Variants in UGT8 observed in about 807,000 individuals in gnomAD.
The protein encoded by UGT8 is 2-hydroxyacylsphingosine 1-beta-galactosyltransferase.
Under a neutral mutation model 40.5 loss-of-function variants are expected in UGT8, and 12 were observed. The ratio of observed to expected loss-of-function variants is 0.30; its 90% CI spans 0.19 to 0.48. The LOEUF is 0.48. Ranked by LOEUF, UGT8 falls within the 20% of genes least tolerant of loss-of-function variation. The pLI, the probability that UGT8 is intolerant of heterozygous loss-of-function variation, is 0.99. For synonymous variants in UGT8, 224 were observed against 240.4 expected (o/e 0.93, Z 0.63); for missense variants, 513 against 648.7 (o/e 0.79, Z 2.27).
chr4:114,611,239 T>G (rs1441592746), intron 1 of UGT8, among the ~76,000 whole-genome samples: 1 of 151,878 alleles, frequency 6.6e-6, no homozygotes, highest in African/African-American at 2.4e-5. Flanking sequence ...TTCTCACTTG[T>G]GTAAAGATGG....
intron 2 of UGT8, 184 bp downstream of exon 2, chr4:114,623,886 C>A: frequency 2.5e-6 from 1 of 396,568 alleles, no homozygotes; most frequent in African/African-American, 2.2e-5. Flanking sequence ...AACATTCCTG[C>A]TTTGAATGAG....
At chr4:114,602,532 C>T (rs911171458) in intron 1 of UGT8, among the ~76,000 whole-genome samples, 1 of 152,304 alleles carries the variant, frequency 6.6e-6, no homozygotes, top group East Asian at 1.9e-4. Flanking sequence ...AACATTCATT[C>T]TTTTATTCAA....
chr4:114,674,162 T>G (rs1735472644), intron 5 of UGT8, among the ~76,000 whole-genome samples: 1 of 152,238 alleles, frequency 6.6e-6, no homozygotes, highest in African/African-American at 2.4e-5. Context: ...GATTTTTCAC[T>G]GGGCTTTGTA....
chr4:114,659,136 G>A (rs769916433), intron 2 of UGT8, among the ~76,000 whole-genome samples: 2 of 152,032 alleles, frequency 1.3e-5, no homozygotes, highest in East Asian at 1.9e-4. Flanking sequence ...GTGTCTATCC[G>A]GATCACGATC....
chr4:114,608,042 G>T (rs927912922), intron 1 of UGT8, among the ~76,000 whole-genome samples: 14 of 152,282 alleles, frequency 9.2e-5, no homozygotes, highest in Middle Eastern at 3.4e-3. Flanking sequence ...GCTGTCTATT[G>T]TCTAGCTGCT....
Position 114,598,890 on chromosome 4 carries a change from C to G in UGT8, c.-87C>G, listed in dbSNP as rs1295999408. ...CCGAAGGCGGCGACACCTGATTCAG[C>G]GCACAAACACAGGTCCCTTCTGTCC... is the stretch of plus-strand genomic sequence containing the variant. On this transcript the variant is annotated 5_prime_UTR_variant, in exon 1 of 6. Coordinates refer to ENST00000310836, the MANE Select transcript of UGT8 (RefSeq NM_001128174.3). 2 of 152,450 alleles carry G rather than the reference C, an allele frequency of 1.3e-5. No homozygotes were observed. Among genetic ancestry groups the G allele is most frequent in the Non-Finnish European group, 2.9e-5 (2 of 68,296 alleles). The allele number at this position is 152,450 out of a possible 1,614,324, so 9.4% of individuals were successfully genotyped here.
rs1735735551 is a variant in UGT8, at chr4:114,677,612, A to G, written c.*1324A>G. On this transcript the variant is annotated 3_prime_UTR_variant, in exon 6 of 6. Coordinates refer to ENST00000310836, the MANE Select transcript of UGT8 (RefSeq NM_001128174.3). ...CAGGGATGCAAGTCACAGACATCAT[A>G]AAATCAGGGTCTCCCTGCTGAAGCA... is the stretch of plus-strand genomic sequence containing the variant. 1 of 152,252 alleles carries G rather than the reference A, an allele frequency of 6.6e-6. No individual in the cohort carries two copies. The highest frequency in any genetic ancestry group is 6.5e-5 in the Admixed American group (1 of 15,288). The allele number at this position is 152,252 out of a possible 1,614,324, so 9.4% of individuals were successfully genotyped here. A position where few individuals can be genotyped will look rare whatever the true frequency, so the allele number is the denominator to read the frequency against.
In UGT8 at chr4:114,623,756, G is replaced by A. The variant is rs996342193; in HGVS notation, c.822+54G>A. On this transcript the variant is annotated intron_variant, in intron 2 of 5. Coordinates refer to ENST00000310836, the MANE Select transcript of UGT8 (RefSeq NM_001128174.3). ...CTTTTTTAATGTAAAAGTCAATTTT[G>A]ATTTTTGGAAGAGATATGATTTGTT... 240 of 1,525,232 alleles carry A rather than the reference G, an allele frequency of 1.6e-4. 1 individual carries two copies. The highest frequency in any genetic ancestry group is 1.8e-4 in the Non-Finnish European group (207 of 1,141,250). 94.5% of individuals were successfully genotyped at this position (1,525,232 alleles called of 1,614,324 possible). A position where few individuals can be genotyped will look rare whatever the true frequency, so the allele number is the denominator to read the frequency against.
At chr4:114,638,811 G>A (rs533190036) in intron 2 of UGT8, among the ~76,000 whole-genome samples, 76 of 152,204 alleles carry the variant, frequency 5.0e-4, no homozygotes, top group African/African-American at 1.8e-3. Flanking sequence ...GTCTGTTGTG[G>A]CCCATTTATA....
intron 1 of UGT8, among the ~76,000 whole-genome samples, chr4:114,599,488 G>A (rs1450506091): frequency 6.6e-6 from 1 of 152,200 alleles, no homozygotes; most frequent in Admixed American, 6.5e-5. Context: ...GAACAAGAGC[G>A]GGATGTGTTG....
intron 2 of UGT8, among the ~76,000 whole-genome samples, chr4:114,637,661 A>G (rs1323580166): frequency 3.3e-5 from 5 of 152,166 alleles, no homozygotes; most frequent in Non-Finnish European, 7.3e-5. Flanking sequence ...AATGTCCAGG[A>G]ACTAACATTT....
chr4:114,665,240 A>T (rs1734781586), intron 3 of UGT8: 1 of 284,428 alleles, frequency 3.5e-6, no homozygotes, highest in Admixed American at 6.5e-5. Context: ...GATTTTTTTC[A>T]ATACTTCTGC....
intron 2 of UGT8, among the ~76,000 whole-genome samples, chr4:114,653,021 C>G (rs561837474): frequency 6.6e-6 from 1 of 152,122 alleles, no homozygotes; most frequent in Admixed American, 6.6e-5. Flanking sequence ...GCCACTCATC[C>G]CAGGATTAAT....
At chr4:114,605,426 G>C (rs961588039) in intron 1 of UGT8, among the ~76,000 whole-genome samples, 26 of 152,074 alleles carry the variant, frequency 1.7e-4, no homozygotes, top group African/African-American at 4.3e-4. Context: ...AAATGCATCT[G>C]CAAGGAATCC....
At chr4:114,657,079 AT>A (rs563656133) in intron 2 of UGT8, among the ~76,000 whole-genome samples, 152 of 148,274 alleles carry the variant, frequency 1.0e-3, no homozygotes, top group Non-Finnish European at 9.0e-5. Flanking sequence ...TTCCGTAGTG[AT>A]TTTTTTTTTC....
At chr4:114,628,213 C>T (rs1732358947) in intron 2 of UGT8, among the ~76,000 whole-genome samples, 1 of 151,996 alleles carries the variant, frequency 6.6e-6, no homozygotes, top group South Asian at 2.1e-4. Flanking sequence ...GATCTTGGCT[C>T]ACTGTAGCCT....
At chr4:114,646,843 A>T (rs1733602045) in intron 2 of UGT8, among the ~76,000 whole-genome samples, 1 of 152,196 alleles carries the variant, frequency 6.6e-6, no homozygotes, top group Admixed American at 6.5e-5. Flanking sequence ...TGCCACGTTC[A>T]TGTTGGAGTC....
At chr4:114,645,805 G>A (rs75244567) in intron 2 of UGT8, among the ~76,000 whole-genome samples, 3,173 of 152,206 alleles carry the variant, frequency 0.021, 58 homozygotes, top group Non-Finnish European at 0.031. Context: ...ATTTATCTGA[G>A]TTGTATAGGG....
chr4:114,628,180 C>T (rs999306904), intron 2 of UGT8, among the ~76,000 whole-genome samples: 5 of 151,962 alleles, frequency 3.3e-5, no homozygotes, highest in African/African-American at 1.2e-4. Flanking sequence ...CACTCTGTCA[C>T]CCAGGCTGAA....
Sources: allele counts gnomAD v4.1 joint callset (sites outside exome capture counted in the v4.1 genomes callset), GRCh38; gene constraint gnomAD v4.1.1; transcripts MANE v1.5; gene names NCBI Gene and HGNC (gene_info 2026-07-23, HGNC 2026-07-21).